Variants in CSMD1 observed in about 807,000 individuals in gnomAD.
CSMD1 encodes CUB and sushi domain-containing protein 1.
CSMD1 carries 213 observed loss-of-function variants against 417.5 expected under a neutral mutation model. The observed-to-expected ratio is 0.51, with a 90% CI of 0.46 to 0.57. The LOEUF is 0.57. Ranked by LOEUF, CSMD1 falls within the 20% of genes least tolerant of loss-of-function variation. The pLI, the probability that CSMD1 is intolerant of heterozygous loss-of-function variation, is 0.00. For synonymous variants in CSMD1, 2,862 were observed against 1,736.8 expected, an observed-to-expected ratio of 1.65 and a Z score of -16.11; for missense variants, 6,923 against 4,529.7, an observed-to-expected ratio of 1.53 and a Z score of -15.17.
intron 1 of CSMD1, among the ~76,000 whole-genome samples, chr8:4,641,711 G>A (rs1803202812): frequency 6.6e-6 from 1 of 152,148 alleles, no homozygotes. Flanking sequence ...CATGTATGGT[G>A]ATCGAGTCAT....
chr8:3,445,094 A>G (rs552518114), intron 12 of CSMD1, among the ~76,000 whole-genome samples: 51 of 152,322 alleles, frequency 3.3e-4, no homozygotes, highest in African/African-American at 1.0e-3. Flanking sequence ...AACAGGGAAA[A>G]AGAAAAACAG....
At chr8:4,645,494 C>A (rs1390809587) in intron 1 of CSMD1, among the ~76,000 whole-genome samples, 2 of 114,736 alleles carry the variant, frequency 1.7e-5, no homozygotes, top group Admixed American at 1.0e-4. Flanking sequence ...GGCTTCGGAT[C>A]AAACAAATCT....
At chr8:4,613,690 G>T (rs557969989) in intron 2 of CSMD1, among the ~76,000 whole-genome samples, 24 of 152,088 alleles carry the variant, frequency 1.6e-4, no homozygotes, top group African/African-American at 4.6e-4. Flanking sequence ...CCATCAAATG[G>T]CAGTAGTAAA....
chr8:4,846,834 G>A (rs1433244970), intron 1 of CSMD1, among the ~76,000 whole-genome samples: 2 of 152,138 alleles, frequency 1.3e-5, no homozygotes, highest in Admixed American at 6.5e-5. Flanking sequence ...GCATATATAT[G>A]CGTATATTTA....
chr8:4,230,151 GTGCTGGGTA>G (rs1249402634), intron 3 of CSMD1, among the ~76,000 whole-genome samples: 1 of 152,146 alleles, frequency 6.6e-6, no homozygotes, highest in Non-Finnish European at 1.5e-5. Context: ...ACATATTGCA[GTGCTGGGTA>G]TGTTTGAATT....
At chr8:3,185,091 C>A (rs894350873) in intron 36 of CSMD1, among the ~76,000 whole-genome samples, 1 of 152,138 alleles carries the variant, frequency 6.6e-6, no homozygotes, top group South Asian at 2.1e-4. Context: ...GGACCATGGA[C>A]CCCCTAAATT....
intron 3 of CSMD1, among the ~76,000 whole-genome samples, chr8:4,114,451 A>G (rs1208268309): frequency 6.6e-6 from 1 of 152,204 alleles, no homozygotes; most frequent in Non-Finnish European, 1.5e-5. Flanking sequence ...AAGAGCTTGG[A>G]CAGAGATGCT....
intron 2 of CSMD1, among the ~76,000 whole-genome samples, chr8:4,485,393 A>G (rs1446583889): frequency 6.6e-6 from 1 of 152,168 alleles, no homozygotes; most frequent in East Asian, 1.9e-4. Context: ...ATTGCCCTAC[A>G]GACGGGGCCT....
At chr8:4,972,966 T>C (rs1448946517) in intron 1 of CSMD1, among the ~76,000 whole-genome samples, 1 of 152,144 alleles carries the variant, frequency 6.6e-6, no homozygotes, top group East Asian at 1.9e-4. Flanking sequence ...ATTTTAAAAA[T>C]TAAAAATCAC....
intron 1 of CSMD1, among the ~76,000 whole-genome samples, chr8:4,667,554 G>C (rs538699047): frequency 6.6e-6 from 1 of 151,898 alleles, no homozygotes; most frequent in African/African-American, 2.4e-5. Context: ...GTGTATTGTA[G>C]TTCAAAATTC....
rs762207897 is a variant in CSMD1, at chr8:3,688,281, G to A, written c.1009+20133C>T. Among the ~76,000 whole-genome samples, 103 of 152,148 alleles carry A rather than the reference G, an allele frequency of 6.8e-4. 1 individual carries two copies. Among genetic ancestry groups the A allele is most frequent in the Non-Finnish European group, 8.8e-4 (60 of 68,004 alleles). On this transcript the variant is annotated intron_variant, in intron 7 of 69. Transcript: ENST00000635120. The stretch of plus-strand genomic sequence containing the variant: ...AATATTGTCTCTTTTCTTTTGAAAC[G>A]GACTATAATAGAGGTGTAAAGGACC...
intron 2 of CSMD1, among the ~76,000 whole-genome samples, chr8:4,441,757 G>T (rs978662059): frequency 2.0e-5 from 3 of 152,094 alleles, no homozygotes; most frequent in African/African-American, 7.2e-5. Context: ...TTGCATTGCA[G>T]TCCATTTGAC....
At chr8:4,033,164 G>T (rs553973849) in intron 3 of CSMD1, among the ~76,000 whole-genome samples, 1 of 142,348 alleles carries the variant, frequency 7.0e-6, no homozygotes, top group African/African-American at 2.6e-5. Context: ...AACCTGGCCA[G>T]GCACGGTAGC....
chr8:4,439,218 G>A (rs1798323063), intron 2 of CSMD1, among the ~76,000 whole-genome samples: 1 of 151,938 alleles, frequency 6.6e-6, no homozygotes. Context: ...TCATTTATTT[G>A]AAATACTTTA....
chr8:4,039,192 C>G (rs1384380720), intron 3 of CSMD1, among the ~76,000 whole-genome samples: 1 of 152,186 alleles, frequency 6.6e-6, no homozygotes, highest in Non-Finnish European at 1.5e-5. Flanking sequence ...CATCTGGAAT[C>G]TAGGTCCCTT....
At chr8:4,420,152 A>G (rs1405899854) in intron 2 of CSMD1, 87 bp from the exon 3 acceptor site, 3 of 837,746 alleles carry the variant, frequency 3.6e-6, no homozygotes, top group Non-Finnish European at 5.8e-6. Context: ...GAATAACTTG[A>G]ACAGTGGTAT....
At chr8:4,911,036 T>G (rs1427579631) in intron 1 of CSMD1, among the ~76,000 whole-genome samples, 1 of 152,192 alleles carries the variant, frequency 6.6e-6, no homozygotes, top group African/African-American at 2.4e-5. Flanking sequence ...CTGCCATCCA[T>G]GTAAGATGTG....
At chr8:3,773,486 C>G (rs931101077) in intron 5 of CSMD1, among the ~76,000 whole-genome samples, 1 of 152,062 alleles carries the variant, frequency 6.6e-6, no homozygotes, top group African/African-American at 2.4e-5. Context: ...TGGGTCTCAC[C>G]GTGTTTCCCA....
At chr8:4,149,699 A>G (rs1796465425) in intron 3 of CSMD1, among the ~76,000 whole-genome samples, 1 of 152,238 alleles carries the variant, frequency 6.6e-6, no homozygotes, top group Non-Finnish European at 1.5e-5. Flanking sequence ...ATGCTGAGTG[A>G]TGCTGAGCTC....
Sources: allele counts gnomAD v4.1 joint callset (sites outside exome capture counted in the v4.1 genomes callset), GRCh38; gene constraint gnomAD v4.1.1; transcripts MANE v1.5; gene names NCBI Gene and HGNC (gene_info 2026-07-23, HGNC 2026-07-21).